ANO1: variants seen among roughly 807,000 people sequenced by gnomAD.
ANO1 encodes the protein anoctamin-1.
In ANO1, 59 loss-of-function variants were observed where a neutral mutation model predicts 124.0. The ratio of observed to expected loss-of-function variants is 0.48; its 90% CI spans 0.39 to 0.59. The LOEUF is 0.59. ANO1 is among the 20% of genes least tolerant of loss of function. The pLI is 0.00. For missense variants in ANO1, 1,059 were observed against 1,328.0 expected (o/e 0.80, Z 3.15); for synonymous variants, 529 against 532.0 (o/e 0.99, Z 0.08).
At chr11:70,096,046 C>T (rs556656958) in intron 2 of ANO1, among the ~76,000 whole-genome samples, 3 of 152,272 alleles carry the variant, frequency 2.0e-5, no homozygotes, top group African/African-American at 2.4e-5. Context: ...CTGAGTGGGC[C>T]GATTTCTATC....
intron 1 of ANO1, among the ~76,000 whole-genome samples, chr11:70,050,199 T>A (rs377384518): frequency 1.3e-5 from 2 of 152,276 alleles, no homozygotes; most frequent in East Asian, 3.9e-4. Context: ...GCAAGATACA[T>A]AATGACAAAA....
chr11:70,099,540 C>A (rs146553497), intron 2 of ANO1, among the ~76,000 whole-genome samples: 24 of 152,302 alleles, frequency 1.6e-4, no homozygotes, highest in African/African-American at 5.5e-4. Flanking sequence ...CTCTCCCACA[C>A]GTGGGCTGTC....
At chr11:70,123,868 G>A (rs2046389098) in intron 8 of ANO1, among the ~76,000 whole-genome samples, 1 of 152,102 alleles carries the variant, frequency 6.6e-6, no homozygotes, top group African/African-American at 2.4e-5. Flanking sequence ...ACTCATTACT[G>A]TCCCTGCCCA....
At chr11:70,027,661 T>C (rs570919809) in intron 1 of ANO1, among the ~76,000 whole-genome samples, 2 of 152,322 alleles carry the variant, frequency 1.3e-5, no homozygotes, top group African/African-American at 4.8e-5. Context: ...GCAGTTGCCA[T>C]TTCTGTCACC....
upstream of ANO1, among the ~76,000 whole-genome samples, chr11:70,077,073 C>T (rs2044070428): frequency 6.6e-6 from 1 of 152,218 alleles, no homozygotes; most frequent in African/African-American, 2.4e-5. Flanking sequence ...TAGCTGACTC[C>T]AGGTTCCATG....
the ANO1 span, among the ~76,000 whole-genome samples, chr11:69,966,533 C>T: frequency 3.0e-4 from 45 of 152,314 alleles, no homozygotes; most frequent in African/African-American, 9.4e-4. Flanking sequence ...CCCTGGCATT[C>T]GGACCTGCCA....
At chr11:70,088,498 A>C (rs1590695212) in intron 2 of ANO1, among the ~76,000 whole-genome samples, 1 of 122,244 alleles carries the variant, frequency 8.2e-6, no homozygotes, top group African/African-American at 3.2e-5. Context: ...ACAGAGTGAG[A>C]CTCTGCCTCA....
chr11:70,118,139 C>G (rs1298637495), intron 8 of ANO1, among the ~76,000 whole-genome samples: 1 of 151,964 alleles, frequency 6.6e-6, no homozygotes, highest in Non-Finnish European at 1.5e-5. Flanking sequence ...CACCAGTAGT[C>G]CCTTTCTAGC....
intron 8 of ANO1, among the ~76,000 whole-genome samples, chr11:70,119,998 C>T (rs774751395): frequency 1.3e-5 from 2 of 152,074 alleles, no homozygotes; most frequent in Admixed American, 6.5e-5. Flanking sequence ...CATTCTGCCA[C>T]GATGGCTCCA....
chr11:70,143,623 C>A (rs1316195532), intron 11 of ANO1, among the ~76,000 whole-genome samples: 1 of 152,146 alleles, frequency 6.6e-6, no homozygotes, highest in African/African-American at 2.4e-5. Context: ...TTTTAACAAG[C>A]TCCCTGGGGA....
At chr11:69,981,501 T>C (rs1855959109), upstream of ANO1, among the ~76,000 whole-genome samples, 1 of 152,236 alleles carries the variant, frequency 6.6e-6, no homozygotes, top group Admixed American at 6.5e-5. Flanking sequence ...AGATCTTGCC[T>C]CTTCTGTCCA....
chr11:69,991,154 G>C (rs1313289416), intron 1 of ANO1, among the ~76,000 whole-genome samples: 1 of 152,194 alleles, frequency 6.6e-6, no homozygotes, highest in South Asian at 2.1e-4. Flanking sequence ...GTACGCTAGA[G>C]AGCCAAATTC....
At position 70,187,826 on chromosome 11, in the gene ANO1, T is replaced by C. The variant is rs768834777; in HGVS notation, c.2783T>C (p.Val928Ala). 1 of 1,609,156 alleles carries C rather than the reference T, an allele frequency of 6.2e-7. No homozygotes were observed. Among genetic ancestry groups the C allele is most frequent in the South Asian group, 1.1e-5 (1 of 89,654 alleles). The change falls in exon 26 of 26, where the codon GTG (valine) becomes GCG (alanine). Residue 928 changes from valine to alanine, a missense_variant. By Grantham distance (64) the Val-to-Ala change is moderately conservative. Coordinates refer to ENST00000355303, the MANE Select transcript of ANO1 (RefSeq NM_018043.7). ...DISQQIHKEKVLMVELFMREE... is the reference protein window; with the variant it reads ...DISQQIHKEKALMVELFMREE... Reference sequence around the variant, plus strand: ...AGCCAGCAGATCCACAAGGAGAAGGTGCTCATGGTGGAGCTGTTCATGCGG... The same window carrying C: ...AGCCAGCAGATCCACAAGGAGAAGGCGCTCATGGTGGAGCTGTTCATGCGG...
At chr11:70,171,082 G>C (rs1590915918) in intron 22 of ANO1, 43 bp downstream of exon 22, 1 of 1,590,930 alleles carries the variant, frequency 6.3e-7, no homozygotes, top group Admixed American at 1.8e-5. Context: ...CCGAGTGCGT[G>C]CTGGGTTTGG....
intron 1 of ANO1, among the ~76,000 whole-genome samples, chr11:70,034,427 G>T (rs546683872): frequency 6.6e-6 from 1 of 152,250 alleles, no homozygotes; most frequent in South Asian, 2.1e-4. Context: ...AATATGGACA[G>T]ACCACAAGGG....
At chr11:70,160,301 C>T (rs978796241) in intron 16 of ANO1, among the ~76,000 whole-genome samples, 1 of 152,144 alleles carries the variant, frequency 6.6e-6, no homozygotes, top group East Asian at 1.9e-4. Context: ...GCCCAGCCCT[C>T]GGTCCATCCA....
rs116532241 is a variant in ANO1 at position 70,163,536 on chromosome 11, G to T, written c.1950+196G>T. ...TAATCTTATCTGGTGTGTTCATATA[G>T]AATCACCTAGAAGGATAAAGTCGCT... On this transcript the variant is annotated intron_variant, in intron 19 of 25. Coordinates refer to ENST00000355303, the MANE Select transcript of ANO1 (RefSeq NM_018043.7). 3.8e-3 allele frequency: 2,538 copies of T among 668,210 alleles called. 53 individuals are homozygous for T. In the African/African-American group the frequency reaches 0.042, roughly 11 times the overall value. The allele number at this position is 668,210 out of a possible 1,614,324, so 41.4% of individuals were successfully genotyped here.
intron 6 of ANO1, among the ~76,000 whole-genome samples, chr11:70,110,455 G>A (rs1392664660): frequency 6.6e-6 from 1 of 152,034 alleles, no homozygotes; most frequent in Non-Finnish European, 1.5e-5. Context: ...CAAAGTGCTG[G>A]GATTACAGGC....
At chr11:70,026,770 C>T (rs781829629) in intron 1 of ANO1, among the ~76,000 whole-genome samples, 15 of 152,160 alleles carry the variant, frequency 9.9e-5, no homozygotes, top group Non-Finnish European at 2.1e-4. Context: ...GCGGATCCTG[C>T]ACCTCCCCAG....
Sources: allele counts gnomAD v4.1 joint callset (sites outside exome capture counted in the v4.1 genomes callset), GRCh38; gene constraint gnomAD v4.1.1; transcripts MANE v1.5; gene names NCBI Gene and HGNC (gene_info 2026-07-23, HGNC 2026-07-21).